MAP3K7CL: variants seen among roughly 807,000 people sequenced by gnomAD.
MAP3K7CL encodes the protein MAP3K7 C-terminal-like protein.
MAP3K7CL carries 16 observed loss-of-function variants against 18.6 expected under a neutral mutation model. That is an observed-to-expected ratio of 0.86 (90% CI 0.58 to 1.31). The LOEUF (loss-of-function observed/expected upper bound fraction) is 1.31, where lower values mean the gene tolerates loss of function less well. MAP3K7CL is among the 50% of genes most tolerant of loss of function. MAP3K7CL has a pLI of 0.00. For synonymous variants in MAP3K7CL, 65 were observed against 66.8 expected (o/e 0.97, Z 0.13); for missense variants, 163 against 174.4 (o/e 0.93, Z 0.37).
intron 4 of MAP3K7CL, among the ~76,000 whole-genome samples, chr21:29,097,568 T>A (rs146560052): frequency 6.6e-6 from 1 of 152,238 alleles, no homozygotes; most frequent in East Asian, 1.9e-4. Context: ...CAATAGATAG[T>A]CAGATTTGCT....
chr21:29,079,275 G>A (rs2085798338), intron 1 of MAP3K7CL, among the ~76,000 whole-genome samples: 1 of 152,194 alleles, frequency 6.6e-6, no homozygotes, highest in Admixed American at 6.5e-5. Flanking sequence ...CAAGGCATTT[G>A]GCCAAGACTC....
chr21:29,104,740 C>G (rs2086291207), intron 4 of MAP3K7CL, among the ~76,000 whole-genome samples: 1 of 152,186 alleles, frequency 6.6e-6, no homozygotes, highest in African/African-American at 2.4e-5. Flanking sequence ...GGAAGCATCA[C>G]CCCAAAAGTG....
intron 4 of MAP3K7CL, among the ~76,000 whole-genome samples, chr21:29,114,416 G>T (rs62222402): frequency 2.1e-5 from 3 of 143,036 alleles, no homozygotes; most frequent in Non-Finnish European, 4.6e-5. Flanking sequence ...TTTGAGACAG[G>T]GCCTTGCTCT....
intron 4 of MAP3K7CL, among the ~76,000 whole-genome samples, chr21:29,098,459 T>G (rs1414613238): frequency 6.6e-6 from 1 of 152,170 alleles, no homozygotes; most frequent in Non-Finnish European, 1.5e-5. Context: ...GGAATGATTT[T>G]TAAAAAACAC....
chr21:29,121,217 T>C (rs1228950460), intron 4 of MAP3K7CL, among the ~76,000 whole-genome samples: 1 of 151,980 alleles, frequency 6.6e-6, no homozygotes, highest in African/African-American at 2.4e-5. Flanking sequence ...CTGGGAATTC[T>C]GAGGGAAAAG....
Position 29,143,112 on chromosome 21 carries a change from A to G in MAP3K7CL, c.71-6077A>G, listed in dbSNP as rs570197446. Among the ~76,000 whole-genome samples the G allele has an allele frequency of 4.6e-5, 7 of 152,388 alleles. No individual in the cohort carries two copies. The South Asian group carries it at 1.0e-3, about 23-fold the overall frequency. Reference sequence around the variant, plus strand: ...AGAGGTCATACTGCAGGTAGAATCAACTTCATAATTTGCAGGACATGGTGC... The same window carrying G: ...AGAGGTCATACTGCAGGTAGAATCAGCTTCATAATTTGCAGGACATGGTGC... On this transcript the variant is annotated intron_variant, in intron 2 of 4. Transcript: ENST00000399928.
chr21:29,146,028 A>G (rs984442226), intron 2 of MAP3K7CL, among the ~76,000 whole-genome samples: 1 of 151,946 alleles, frequency 6.6e-6, no homozygotes, highest in Non-Finnish European at 1.5e-5. Flanking sequence ...GGTGTTTGCT[A>G]TTTACATTAC....
intron 2 of MAP3K7CL, among the ~76,000 whole-genome samples, chr21:29,140,359 T>C (rs1305178961): frequency 3.9e-5 from 6 of 152,222 alleles, no homozygotes; most frequent in African/African-American, 1.2e-4. Context: ...TGAGTGTTCA[T>C]TGAGTACTAA....
intron 4 of MAP3K7CL, among the ~76,000 whole-genome samples, chr21:29,117,410 G>A (rs1175429080): frequency 1.3e-5 from 2 of 152,250 alleles, no homozygotes; most frequent in Non-Finnish European, 2.9e-5. Context: ...TTTTTAAGAA[G>A]TGGATAGAAA....
chr21:29,100,774 A>G lies in MAP3K7CL; in HGVS notation c.370+8193A>G, dbSNP rs1018117396. ...GTCACCCAGGCTGGAGTGCAATGGCACGATCTCGGCTCACTGCAAGCTCCA... is the reference window on the plus strand; with the variant it reads ...GTCACCCAGGCTGGAGTGCAATGGCGCGATCTCGGCTCACTGCAAGCTCCA... On this transcript the variant is annotated intron_variant, in intron 4 of 6. Transcript: ENST00000286791. Among the ~76,000 whole-genome samples the G allele has an allele frequency of 2.2e-3, 287 of 130,540 alleles. 4 individuals are homozygous for G. The highest frequency in any genetic ancestry group is 8.1e-3 in the African/African-American group (277 of 34,126). The allele number at this position is 130,540 out of a possible 152,430, so 85.6% of individuals were successfully genotyped here.
chr21:29,092,318 C>T lies in MAP3K7CL; in HGVS notation c.228-121C>T, dbSNP rs1020088626. ...CCAGATTTAAACCATTAACAACCCT[C>T]TCTAAAGAGGAGGCAAGAGGTTTCA... On this transcript the variant is annotated intron_variant, in intron 3 of 6. Transcript: ENST00000286791. The T allele has an allele frequency of 2.5e-5, 25 of 982,748 alleles. No individual in the cohort carries two copies. The African/African-American group carries it at 5.0e-4, about 20-fold the overall frequency. 60.9% of individuals were successfully genotyped at this position (982,748 alleles called of 1,614,324 possible). A position where few individuals can be genotyped will look rare whatever the true frequency, so the allele number is the denominator to read the frequency against.
chr21:29,129,180 T>A (rs142681194), upstream of MAP3K7CL, among the ~76,000 whole-genome samples: 2 of 152,360 alleles, frequency 1.3e-5, no homozygotes, highest in Admixed American at 1.3e-4. Context: ...TATTGATACA[T>A]TATTATTCAT....
At chr21:29,112,067 C>T (rs988100825) in intron 4 of MAP3K7CL, among the ~76,000 whole-genome samples, 14 of 152,040 alleles carry the variant, frequency 9.2e-5, no homozygotes, top group East Asian at 3.9e-4. Flanking sequence ...GAGGCCTAGG[C>T]GGGAGGATCA....
At chr21:29,101,003 C>T (rs1469089852) in intron 4 of MAP3K7CL, among the ~76,000 whole-genome samples, 11 of 151,190 alleles carry the variant, frequency 7.3e-5, no homozygotes, top group Non-Finnish European at 1.6e-4. Context: ...TGAGCCACTG[C>T]GCCCGGTCCC....
At chr21:29,092,869 T>C (rs2086054286) in intron 4 of MAP3K7CL, among the ~76,000 whole-genome samples, 1 of 152,198 alleles carries the variant, frequency 6.6e-6, no homozygotes, top group East Asian at 1.9e-4. Flanking sequence ...TGATTACAAA[T>C]CTCTCCAACG....
intron 4 of MAP3K7CL, among the ~76,000 whole-genome samples, chr21:29,163,980 A>T (rs1369483268): frequency 1.3e-5 from 2 of 151,958 alleles, no homozygotes; most frequent in African/African-American, 4.8e-5. Flanking sequence ...TTACAGAGTC[A>T]ATATCAGCAA....
chr21:29,135,060 A>C (rs1016611110), intron 2 of MAP3K7CL, among the ~76,000 whole-genome samples: 5 of 110,902 alleles, frequency 4.5e-5, no homozygotes, highest in South Asian at 5.0e-4. Flanking sequence ...CAAAAAAAAA[A>C]CAAAAAAAAC....
At chr21:29,104,536 C>G (rs547092142) in intron 4 of MAP3K7CL, among the ~76,000 whole-genome samples, 1 of 152,180 alleles carries the variant, frequency 6.6e-6, no homozygotes, top group Non-Finnish European at 1.5e-5. Flanking sequence ...ACCAGCCTTA[C>G]GCACATGCTG....
chr21:29,148,093 A>G (rs771907774), intron 2 of MAP3K7CL, among the ~76,000 whole-genome samples: 2 of 151,886 alleles, frequency 1.3e-5, no homozygotes, highest in African/African-American at 2.4e-5. Context: ...TCTCTATTAT[A>G]TATGTATGTG....
Sources: gnomAD v4.1 joint callset for allele counts (sites outside exome capture counted in the v4.1 genomes callset) on GRCh38, gnomAD v4.1.1 for gene constraint, MANE v1.5 for transcripts, NCBI Gene and HGNC (gene_info 2026-07-23, HGNC 2026-07-21) for gene names.